Variants in SMG6 observed in about 807,000 individuals in gnomAD.
The protein encoded by SMG6 is telomerase-binding protein EST1A.
Under a neutral mutation model 142.2 loss-of-function variants are expected in SMG6, and 66 were observed. The observed-to-expected ratio is 0.46, with a 90% CI of 0.38 to 0.57. The LOEUF (loss-of-function observed/expected upper bound fraction) is 0.57. Ranked by LOEUF, SMG6 falls within the 20% of genes least tolerant of loss-of-function variation. The probability of loss-of-function intolerance (pLI) is 0.00; values close to 1 mark genes in which losing one functional copy is unlikely to be tolerated. For missense variants in SMG6, 1,793 were observed against 1,832.0 expected (o/e 0.98, Z 0.39); for synonymous variants, 779 against 702.4 (o/e 1.11, Z -1.72).
At chr17:2,140,650 T>C (rs932669815) in intron 13 of SMG6, among the ~76,000 whole-genome samples, 4 of 140,314 alleles carry the variant, frequency 2.9e-5, no homozygotes, top group Non-Finnish European at 4.5e-5. Context: ...CCAGCCTGGG[T>C]GACAGAGTGA....
chr17:2,146,241 T>C (rs1435587418), intron 13 of SMG6, among the ~76,000 whole-genome samples: 1 of 152,228 alleles, frequency 6.6e-6, no homozygotes, highest in African/African-American at 2.4e-5. Flanking sequence ...TTACATAACA[T>C]GCTTACTTTA....
intron 13 of SMG6, among the ~76,000 whole-genome samples, chr17:2,100,746 G>A (rs1056435292): frequency 3.3e-5 from 5 of 151,758 alleles, no homozygotes; most frequent in South Asian, 2.1e-4. Context: ...GGGGTCTCGC[G>A]ATATTGAACA....
chr17:2,205,322 C>G (rs2072646210), intron 10 of SMG6, among the ~76,000 whole-genome samples: 1 of 152,136 alleles, frequency 6.6e-6, no homozygotes, highest in South Asian at 2.1e-4. Context: ...GTCCATCTTG[C>G]TGGGATTACA....
In SMG6 at chr17:2,144,049, C is replaced by CTT. The variant is rs57316349; in HGVS notation, c.3357+28607_3357+28608dup. 2.2e-4 allele frequency among the ~76,000 whole-genome samples: 14 copies of CTT among 65,102 alleles called. 1 individual carries two copies. Among genetic ancestry groups the CTT allele is most frequent in the Non-Finnish European group, 1.7e-4 (6 of 36,250 alleles). The allele number at this position is 65,102 out of a possible 152,430, so 42.7% of individuals were successfully genotyped here. On this transcript the variant is annotated intron_variant, in intron 13 of 18. Transcript: ENST00000263073. ...CTATAAGTGCATGCCACCACGGCCG[C>CTT]TTTTTTTTTTTTTTTTTTTTTTTTT...
At chr17:2,285,111 T>C (rs1415914289) in intron 6 of SMG6, among the ~76,000 whole-genome samples, 1 of 152,232 alleles carries the variant, frequency 6.6e-6, no homozygotes, top group Non-Finnish European at 1.5e-5. Context: ...TCAAGTCTAA[T>C]TTGCATCACT....
intron 13 of SMG6, among the ~76,000 whole-genome samples, chr17:2,168,144 T>A (rs1567653659): frequency 6.6e-6 from 1 of 152,166 alleles, no homozygotes; most frequent in Non-Finnish European, 1.5e-5. Context: ...TTGGGATTAC[T>A]GGTGTGAGCC....
rs987512206 is a variant in SMG6 at position 2,085,526 on chromosome 17, T to C, written c.3534+199A>G. On this transcript the variant is annotated intron_variant, in intron 14 of 18. Coordinates refer to ENST00000263073, the MANE Select transcript of SMG6 (RefSeq NM_017575.5). This position sits in a 1 kb window ranked among gnomAD's most constrained non-coding sequence, Gnocchi z 4.1. ...CATTAAAAGAAGCATCTGGAACTCG[T>C]AGTGGAGTAGGATGGAGGCACCGGG... 2.0e-5 allele frequency among the ~76,000 whole-genome samples: 3 copies of C among 152,118 alleles called. No individual in the cohort carries two copies. The highest frequency in any genetic ancestry group is 3.8e-4 in the East Asian group (2 of 5,198).
At chr17:2,217,261 T>C (rs948468666) in intron 10 of SMG6, among the ~76,000 whole-genome samples, 2 of 152,172 alleles carry the variant, frequency 1.3e-5, no homozygotes, top group Non-Finnish European at 2.9e-5. Context: ...AGTATTGTGA[T>C]AATTTCAGAA....
intron 10 of SMG6, among the ~76,000 whole-genome samples, chr17:2,203,746 G>A (rs1488205465): frequency 6.6e-6 from 1 of 152,122 alleles, no homozygotes; most frequent in Non-Finnish European, 1.5e-5. Context: ...AAAGCAAGGA[G>A]AGATTTGGCT....
At chr17:2,277,402 G>A (rs1009204933) in intron 8 of SMG6, among the ~76,000 whole-genome samples, 3 of 151,852 alleles carry the variant, frequency 2.0e-5, no homozygotes, top group South Asian at 2.1e-4. Context: ...TCCTGACCTC[G>A]TGATCCGCCC....
intron 13 of SMG6, chr17:2,088,498 T>C (rs868533624): frequency 8.1e-6 from 8 of 985,464 alleles, no homozygotes; most frequent in Non-Finnish European, 9.6e-6. Context: ...TAGCTATTAG[T>C]TCCTTCTCTA....
At chr17:2,152,699 A>G (rs2070864228) in intron 13 of SMG6, among the ~76,000 whole-genome samples, 1 of 152,260 alleles carries the variant, frequency 6.6e-6, no homozygotes, top group Non-Finnish European at 1.5e-5. Flanking sequence ...AGTGCTGATA[A>G]TGATGCCAGA....
chr17:2,207,222 T>G (rs1251270212), intron 10 of SMG6, among the ~76,000 whole-genome samples: 1 of 151,646 alleles, frequency 6.6e-6, no homozygotes, highest in South Asian at 2.1e-4. Context: ...CAGGAAGCAG[T>G]GAGCCGAGGC....
At chr17:2,121,060 C>T (rs1179027697) in intron 13 of SMG6, among the ~76,000 whole-genome samples, 2 of 152,172 alleles carry the variant, frequency 1.3e-5, no homozygotes, top group Non-Finnish European at 2.9e-5. Context: ...TCCTGGGCTG[C>T]GTGCAGCCTG....
intron 10 of SMG6, among the ~76,000 whole-genome samples, chr17:2,191,886 G>A (rs944383959): frequency 3.9e-5 from 6 of 152,198 alleles, no homozygotes; most frequent in East Asian, 1.9e-4. Flanking sequence ...CCATGTGGCC[G>A]GATGTTATGT....
intron 13 of SMG6, among the ~76,000 whole-genome samples, chr17:2,121,221 T>C (rs1223962562): frequency 6.6e-6 from 1 of 151,094 alleles, no homozygotes; most frequent in Non-Finnish European, 1.5e-5. Flanking sequence ...ACAGCAACTT[T>C]ATTCATAACA....
At chr17:2,086,124 AG>A (rs1320363007) in intron 13 of SMG6, among the ~76,000 whole-genome samples, 1 of 152,156 alleles carries the variant, frequency 6.6e-6, no homozygotes, top group African/African-American at 2.4e-5. Flanking sequence ...ATCTCTCCTT[AG>A]GTTATCTCTG....
chr17:2,123,718 C>A (rs769712679), intron 13 of SMG6, among the ~76,000 whole-genome samples: 1 of 152,154 alleles, frequency 6.6e-6, no homozygotes, highest in African/African-American at 2.4e-5. Flanking sequence ...GAAATAGCAC[C>A]GAAGTGAAGC....
intron 8 of SMG6, among the ~76,000 whole-genome samples, chr17:2,257,019 A>C (rs1238481910): frequency 6.6e-6 from 1 of 151,724 alleles, no homozygotes; most frequent in Admixed American, 6.6e-5. Context: ...TCTGTTGCCC[A>C]GGCTGGAGTA....
Sources: allele counts gnomAD v4.1 joint callset (sites outside exome capture counted in the v4.1 genomes callset), GRCh38; gene constraint gnomAD v4.1.1; non-coding constraint Gnocchi (gnomAD v3.1); transcripts MANE v1.5; gene names NCBI Gene and HGNC (gene_info 2026-07-23, HGNC 2026-07-21).